Variants in CAPN15 observed in about 807,000 individuals in gnomAD.
The protein encoded by CAPN15 is calpain 15.
Under a neutral mutation model 97.9 loss-of-function variants are expected in CAPN15, and 53 were observed. The ratio of observed to expected loss-of-function variants is 0.54; its 90% CI spans 0.43 to 0.68. The LOEUF (loss-of-function observed/expected upper bound fraction) is 0.68. Among genes scored for constraint, CAPN15 ranks in the 30% least tolerant of loss-of-function variants. CAPN15 has a pLI of 0.00. For missense variants in CAPN15, 1,592 were observed against 1,589.8 expected (o/e 1.00, Z -0.02); for synonymous variants, 922 against 722.5 (o/e 1.28, Z -4.43).
chr16:552,180 G>T lies in CAPN15; in HGVS notation c.2475G>T (p.Ser825=). 1 of 1,537,866 alleles carries T rather than the reference G, an allele frequency of 6.5e-7. No homozygotes were observed. Among genetic ancestry groups the T allele is most frequent in the African/African-American group, 1.4e-5 (1 of 72,896 alleles). ...VTALTVLERA[S]LEFALFQEGS... ...CGCTCACGGTGCTGGAGCGGGCCTC[G>T]CTGGAGTTCGCGCTCTTCCAGGAGG... The change falls in exon 10 of 14, where the codon TCG becomes TCT. Residue 825 remains serine (S), a synonymous_variant. Coordinates refer to ENST00000219611, the MANE Select transcript of CAPN15 (RefSeq NM_005632.3). This position sits in a 1 kb window ranked among gnomAD's most constrained non-coding sequence, Gnocchi z 6.4.
chr16:530,166 G>A (rs1207601213), intron 1 of CAPN15, among the ~76,000 whole-genome samples: 1 of 152,250 alleles, frequency 6.6e-6, no homozygotes, highest in Non-Finnish European at 1.5e-5. Context: ...GGTCTGTGCG[G>A]TTCTCATGTG....
intron 3 of CAPN15, among the ~76,000 whole-genome samples, chr16:546,139 G>A (rs1567147740): frequency 6.6e-6 from 1 of 152,264 alleles, no homozygotes; most frequent in African/African-American, 2.4e-5. Context: ...GGGGCTGAGC[G>A]CAGGGAAGGC....
At chr16:544,861 ACGTCG>A (rs2034470875) in intron 3 of CAPN15, among the ~76,000 whole-genome samples, 1 of 21,546 alleles carries the variant, frequency 4.6e-5, no homozygotes, top group Non-Finnish European at 7.6e-5. Flanking sequence ...CGCCTCCCCC[ACGTCG>A]CCTCCCCTCA....
At position 552,757 on chromosome 16, in the gene CAPN15, G is replaced by T; in HGVS notation, c.2890G>T (p.Gly964Ter). 6.5e-7 allele frequency: 1 copy of T among 1,538,760 alleles called. No individual in the cohort carries two copies. Among genetic ancestry groups the T allele is most frequent in the East Asian group, 2.5e-5 (1 of 40,718 alleles). ...CATCATCCTGCTCACCGAGAGCCGC[G>T]GAGAGCGGCACGAGGTGGGTGGGGG... is the stretch of plus-strand genomic sequence containing the variant. ...DAIILLTESR[G>*]ERHEGREGMT... is the part of the protein sequence containing the mutation. The change falls in exon 12 of 14, where the codon GGA (glycine) becomes TGA (stop). Residue 964 changes from glycine (G) to a stop codon, truncating the protein, a stop_gained. Transcript: ENST00000219611. LOFTEE classifies it high-confidence loss of function. This position sits in a 1 kb window ranked among gnomAD's most constrained non-coding sequence, Gnocchi z 6.4.
Position 530,786 on chromosome 16 carries a change from C to T in CAPN15, c.-190+2757C>T, listed in dbSNP as rs182731127. ...AGCCCAGGGCAGGGACCCCGTGGGCCCCCCAAGATGAGCTGCGTCAGGCTG... is the reference window on the plus strand; with the variant it reads ...AGCCCAGGGCAGGGACCCCGTGGGCTCCCCAAGATGAGCTGCGTCAGGCTG... On this transcript the variant is annotated intron_variant, in intron 1 of 13. Transcript: ENST00000219611. 3.2e-4 allele frequency among the ~76,000 whole-genome samples: 48 copies of T among 152,288 alleles called. No individual in the cohort carries two copies. The East Asian group carries it at 7.7e-3, about 25-fold the overall frequency.
intron 3 of CAPN15, chr16:540,020 G>A: frequency 5.3e-6 from 5 of 948,892 alleles, no homozygotes; most frequent in Non-Finnish European, 6.3e-6. Context: ...CGGGCTGTGT[G>A]TGTGAATCAT....
intron 3 of CAPN15, chr16:538,820 C>T (rs1567139176): frequency 6.6e-6 from 1 of 152,220 alleles, no homozygotes; most frequent in African/African-American, 2.4e-5. Flanking sequence ...CCCCCCACAT[C>T]CCTGCCCTCT....
chr16:536,112 C>T lies in CAPN15; in HGVS notation c.-53C>T, dbSNP rs2033700162. 1 of 983,838 alleles carries T rather than the reference C, an allele frequency of 1.0e-6. No individual in the cohort carries two copies. Among genetic ancestry groups the T allele is most frequent in the Non-Finnish European group, 1.2e-6 (1 of 828,798 alleles). 60.9% of individuals were successfully genotyped at this position (983,838 alleles called of 1,614,324 possible). On this transcript the variant is annotated 5_prime_UTR_variant, in exon 3 of 14. Coordinates refer to ENST00000219611, the MANE Select transcript of CAPN15 (RefSeq NM_005632.3). Reference sequence around the variant, plus strand: ...ACTGGGTGATTCACGTGTGCCCAGGCCCTGAGGTGGGCCGGACCTGGGAGT... The same window carrying T: ...ACTGGGTGATTCACGTGTGCCCAGGTCCTGAGGTGGGCCGGACCTGGGAGT...
intron 4 of CAPN15, among the ~76,000 whole-genome samples, 173 bp downstream of exon 4, chr16:548,460 C>T (rs1388919708): frequency 6.6e-6 from 1 of 152,222 alleles, no homozygotes; most frequent in Non-Finnish European, 1.5e-5. Flanking sequence ...CCCTGGGGTC[C>T]AGCTTGGCCT....
intron 3 of CAPN15, among the ~76,000 whole-genome samples, chr16:543,876 C>T (rs1039806006): frequency 6.6e-6 from 1 of 152,226 alleles, no homozygotes; most frequent in Non-Finnish European, 1.5e-5. Flanking sequence ...ATTCTCCCAA[C>T]GCCCCAGGAC....
chr16:553,293 A>G, intron 13 of CAPN15, 46 bp from the exon 14 acceptor site: 5 of 923,658 alleles, frequency 5.4e-6, no homozygotes, highest in Non-Finnish European at 7.3e-6. Flanking sequence ...CCCTGCCCCC[A>G]TCCCCACCCT....
chr16:552,174 G>T lies in CAPN15; in HGVS notation c.2469G>T (p.Arg823=), dbSNP rs1248418252. ...VGVTALTVLE[R]ASLEFALFQE... is the part of the protein sequence containing the mutation. Reference sequence around the variant, plus strand: ...TAACAGCGCTCACGGTGCTGGAGCGGGCCTCGCTGGAGTTCGCGCTCTTCC... The same window carrying T: ...TAACAGCGCTCACGGTGCTGGAGCGTGCCTCGCTGGAGTTCGCGCTCTTCC... Residue 823 remains arginine (R), a synonymous_variant, in exon 10 of 14, where the codon CGG becomes CGT. Transcript: ENST00000219611. The surrounding 1 kb of genome is among the most constrained non-coding windows in gnomAD (Gnocchi z 6.4). 6.5e-7 allele frequency: 1 copy of T among 1,540,650 alleles called. No individual in the cohort carries two copies.
intron 3 of CAPN15, among the ~76,000 whole-genome samples, chr16:546,469 C>T (rs1341259338): frequency 6.6e-6 from 1 of 151,990 alleles, no homozygotes; most frequent in Non-Finnish European, 1.5e-5. Context: ...ACGACCTGGT[C>T]CTGAGTTTGG....
At chr16:542,976 G>A (rs772296461) in intron 3 of CAPN15, among the ~76,000 whole-genome samples, 2 of 150,480 alleles carry the variant, frequency 1.3e-5, no homozygotes, top group African/African-American at 2.5e-5. Context: ...GCTTGAACTT[G>A]GGAGGCGGAG....
At chr16:543,744 C>T (rs2034322240) in intron 3 of CAPN15, among the ~76,000 whole-genome samples, 1 of 152,220 alleles carries the variant, frequency 6.6e-6, no homozygotes, top group South Asian at 2.1e-4. Flanking sequence ...CCACCACGTG[C>T]ATGCACAGGC....
In CAPN15 at chr16:551,792, C is replaced by G. The variant is rs1287758147; in HGVS notation, c.2345+128C>G. The G allele has an allele frequency of 4.8e-6, 6 of 1,251,966 alleles. No homozygotes were observed. In the East Asian group the frequency reaches 1.5e-4, roughly 31 times the overall value. 77.6% of individuals were successfully genotyped at this position (1,251,966 alleles called of 1,614,324 possible). A position where few individuals can be genotyped will look rare whatever the true frequency, so the allele number is the denominator to read the frequency against. On this transcript the variant is annotated intron_variant, in intron 9 of 13. Coordinates refer to ENST00000219611, the MANE Select transcript of CAPN15 (RefSeq NM_005632.3). ...GGCTTGTTCGTGGCCCAAATGGGAC[C>G]TGGAGCTTCAGCTCCAAGGTGCCAA...
chr16:543,544 G>A (rs544910339), intron 3 of CAPN15, among the ~76,000 whole-genome samples: 5 of 152,274 alleles, frequency 3.3e-5, no homozygotes, highest in Non-Finnish European at 7.4e-5. Context: ...CCTCCCCTGG[G>A]TCGGCATCCC....
In CAPN15 at chr16:554,046, A is replaced by G. The variant is rs2035287837; in HGVS notation, c.*530A>G. ...CGAGTCCCGGGGCGGTGCCTGTCTC[A>G]GAAGAAGGGGCCCTTGGCCAGCCCC... is the stretch of plus-strand genomic sequence containing the variant. On this transcript the variant is annotated 3_prime_UTR_variant, in exon 14 of 14. Coordinates refer to ENST00000219611, the MANE Select transcript of CAPN15 (RefSeq NM_005632.3). The G allele has an allele frequency of 5.6e-6, 1 of 177,256 alleles. No individual in the cohort carries two copies. The highest frequency in any genetic ancestry group is 1.2e-5 in the Non-Finnish European group (1 of 83,606). 11.0% of individuals were successfully genotyped at this position (177,256 alleles called of 1,614,324 possible). A position where few individuals can be genotyped will look rare whatever the true frequency, so the allele number is the denominator to read the frequency against.
chr16:538,912 C>T (rs2033914426), intron 3 of CAPN15: 1 of 143,550 alleles, frequency 7.0e-6, no homozygotes, highest in Non-Finnish European at 1.5e-5. Context: ...TGCCCCCAGG[C>T]CTCCCTGAGC....
Sources: gnomAD v4.1 joint callset for allele counts (sites outside exome capture counted in the v4.1 genomes callset) on GRCh38, gnomAD v4.1.1 for gene constraint, Gnocchi (gnomAD v3.1) non-coding constraint, MANE v1.5 for transcripts, NCBI Gene and HGNC (gene_info 2026-07-23, HGNC 2026-07-21) for gene names.